Variants in EEPD1 observed in about 807,000 individuals in gnomAD.
The protein encoded by EEPD1 is endonuclease/exonuclease/phosphatase family domain containing 1, also known as endonuclease/exonuclease/phosphatase family domain-containing protein 1.
A neutral mutation model predicts 46.3 loss-of-function variants in EEPD1; 17 were observed. The ratio of observed to expected loss-of-function variants is 0.37; its 90% confidence interval spans 0.25 to 0.55. The LOEUF (loss-of-function observed/expected upper bound fraction) is 0.55. EEPD1 is among the 20% of genes least tolerant of loss of function. EEPD1 has a pLI of 0.83. For missense variants in EEPD1, 673 were observed against 745.6 expected, an observed-to-expected ratio of 0.90 and a Z score of 1.13; for synonymous variants, 313 against 315.6, an observed-to-expected ratio of 0.99 and a Z score of 0.09.
In EEPD1 at chr7:36,243,308, G is replaced by GTTT. The variant is rs5883540; in HGVS notation, c.930+4283_930+4285dup. 4.0e-3 allele frequency among the ~76,000 whole-genome samples: 590 copies of GTTT among 147,628 alleles called. 8 individuals carry two copies. The highest frequency in any genetic ancestry group is 0.014 in the African/African-American group (563 of 40,310). On this transcript the variant is annotated intron_variant, in intron 3 of 7. Coordinates refer to ENST00000242108, the MANE Select transcript of EEPD1 (RefSeq NM_030636.3). Reference sequence around the variant, plus strand: ...TGACTTTTATGGCCAATTAAGCCTGGTTTTTTTTTTTTTGGCACCAAAAGA... The same window carrying GTTT: ...TGACTTTTATGGCCAATTAAGCCTGGTTTTTTTTTTTTTTTTGGCACCAAAAGA...
Position 36,271,493 on chromosome 7 carries a change from G to A in EEPD1, c.931-9622G>A, listed in dbSNP as rs140915238. Among the ~76,000 whole-genome samples the A allele has an allele frequency of 9.1e-3, 1,391 of 152,118 alleles. 12 individuals carry two copies. The highest frequency in any genetic ancestry group is 0.039 in the East Asian group (200 of 5,172). On this transcript the variant is annotated intron_variant, in intron 3 of 7. Transcript: ENST00000242108. ...TCTTTTAAATTTGTTTAAGTTCCTT[G>A]TAGATTTTGGATATTAGCCCTTTGT...
chr7:36,287,236 C>CAAAAAAAAAA (rs377318198), intron 5 of EEPD1, among the ~76,000 whole-genome samples: 1 of 42,204 alleles, frequency 2.4e-5, no homozygotes, highest in Admixed American at 4.0e-4. Context: ...GACTCCTTCT[C>CAAAAAAAAAA]AAAAAAAAAA....
chr7:36,283,389 C>T (rs1435569630), intron 4 of EEPD1, among the ~76,000 whole-genome samples: 1 of 152,112 alleles, frequency 6.6e-6, no homozygotes, highest in African/African-American at 2.4e-5. Context: ...CCCTCCAGGG[C>T]CATCGGGGAG....
chr7:36,230,245 C>T (rs1169871853), intron 2 of EEPD1, among the ~76,000 whole-genome samples: 2 of 152,054 alleles, frequency 1.3e-5, no homozygotes, highest in African/African-American at 4.8e-5. Flanking sequence ...GGTCTCTCTA[C>T]CTCCAGCATT....
At chr7:36,207,378 G>A (rs1785840570) in intron 2 of EEPD1, among the ~76,000 whole-genome samples, 1 of 152,172 alleles carries the variant, frequency 6.6e-6, no homozygotes, top group South Asian at 2.1e-4. Context: ...GATAAGTGAG[G>A]GTGGAAGGAG....
chr7:36,281,101 C>T lies in EEPD1; in HGVS notation c.931-14C>T, dbSNP rs1037302669. 1 of 1,613,370 alleles carries T rather than the reference C, an allele frequency of 6.2e-7. No individual in the cohort carries two copies. The highest frequency in any genetic ancestry group is 1.3e-5 in the African/African-American group (1 of 74,938). On this transcript the variant is annotated splice_polypyrimidine_tract_variant and intron_variant, in intron 3 of 7. Transcript: ENST00000242108. ...CGCGAACCCACGCTTCTGACCTGTG[C>T]TCTGTCTTTGCAGTTCTGCACGGAG...
At chr7:36,246,646 A>C (rs1215672096) in intron 3 of EEPD1, among the ~76,000 whole-genome samples, 1 of 152,008 alleles carries the variant, frequency 6.6e-6, no homozygotes, top group Non-Finnish European at 1.5e-5. Context: ...CCTTTTGCCA[A>C]ATTGTCTAGG....
At chr7:36,213,744 A>G (rs2115730673) in intron 2 of EEPD1, among the ~76,000 whole-genome samples, 1 of 152,254 alleles carries the variant, frequency 6.6e-6, no homozygotes, top group Middle Eastern at 3.4e-3. Context: ...TAGGCTCAGC[A>G]TCCTATGCTT....
chr7:36,196,373 G>A (rs56053727), intron 2 of EEPD1, among the ~76,000 whole-genome samples: 1 of 151,526 alleles, frequency 6.6e-6, no homozygotes, highest in Non-Finnish European at 1.5e-5. Context: ...CTTTCAGCTC[G>A]TCTCCCGTCT....
chr7:36,233,930 GTTTT>G lies in EEPD1; in HGVS notation c.879-5052_879-5049del, dbSNP rs760967698. 1.1e-4 allele frequency among the ~76,000 whole-genome samples: 16 copies of G among 152,168 alleles called. No individual in the cohort carries two copies. In the East Asian group the frequency reaches 1.5e-3, roughly 15 times the overall value. On this transcript the variant is annotated intron_variant, in intron 2 of 7. Coordinates refer to ENST00000242108, the MANE Select transcript of EEPD1 (RefSeq NM_030636.3). Reference sequence around the variant, plus strand: ...TTTTTTGTTTTTTGTTTGTTTGTTTGTTTTTTAAGACAGAGTCTCGCTCTGTCAC... The same window carrying G: ...TTTTTTGTTTTTTGTTTGTTTGTTTGTTAAGACAGAGTCTCGCTCTGTCAC...
chr7:36,272,042 C>T (rs1787114450), intron 3 of EEPD1, among the ~76,000 whole-genome samples: 1 of 151,900 alleles, frequency 6.6e-6, no homozygotes, highest in Admixed American at 6.6e-5. Flanking sequence ...CCACAACGCC[C>T]CGCTAATTTT....
At chr7:36,204,045 T>C (rs1237985995) in intron 2 of EEPD1, among the ~76,000 whole-genome samples, 1 of 151,658 alleles carries the variant, frequency 6.6e-6, no homozygotes, top group Non-Finnish European at 1.5e-5. Flanking sequence ...TTTCTTTTTT[T>C]TTTTTTAGAC....
At chr7:36,262,123 C>T (rs1729161235) in intron 3 of EEPD1, among the ~76,000 whole-genome samples, 1 of 152,198 alleles carries the variant, frequency 6.6e-6, no homozygotes, top group African/African-American at 2.4e-5. Context: ...TCTATTCTTT[C>T]CCGTGCCCTA....
At chr7:36,281,368 T>G in intron 4 of EEPD1, 143 bp downstream of exon 4, 1 of 752,652 alleles carries the variant, frequency 1.3e-6, no homozygotes, top group Non-Finnish European at 2.2e-6. Flanking sequence ...TCCTTGCCAT[T>G]CATTTCCAAA....
chr7:36,206,098 A>G lies in EEPD1; in HGVS notation c.879-32887A>G, dbSNP rs540027703. On this transcript the variant is annotated intron_variant, in intron 2 of 7. Transcript: ENST00000242108. ...CCACCCACAGAAGCTTTCCTGGTTC[A>G]AAGGGCTTGATTGAAGATTGAGTGA... is the stretch of plus-strand genomic sequence containing the variant. Among the ~76,000 whole-genome samples, 4 of 152,332 alleles carry G rather than the reference A, an allele frequency of 2.6e-5. No individual in the cohort carries two copies. The East Asian group carries it at 7.7e-4, about 29-fold the overall frequency.
chr7:36,184,332 G>A (rs1398179766), intron 2 of EEPD1, among the ~76,000 whole-genome samples: 1 of 152,184 alleles, frequency 6.6e-6, no homozygotes, highest in African/African-American at 2.4e-5. Flanking sequence ...CCAGCTGGCT[G>A]TGTCCTGTGG....
intron 3 of EEPD1, among the ~76,000 whole-genome samples, chr7:36,261,445 A>G (rs1450680757): frequency 6.6e-6 from 1 of 152,198 alleles, no homozygotes; most frequent in Admixed American, 6.5e-5. Flanking sequence ...TTCCTTCAAA[A>G]TTGTTGCACC....
At chr7:36,167,006 G>T (rs1421081557) in intron 2 of EEPD1, among the ~76,000 whole-genome samples, 1 of 152,100 alleles carries the variant, frequency 6.6e-6, no homozygotes, top group Non-Finnish European at 1.5e-5. Context: ...TGGCCAGCTT[G>T]GTTTTTTCTC....
rs373823956 is a variant in EEPD1 at position 36,155,248 on chromosome 7, T to C, written c.878+46T>C. On this transcript the variant is annotated intron_variant, in intron 2 of 7. Transcript: ENST00000242108. ...GGGTGTTGGGTGTGAAGGCAACTTG[T>C]GCGTGACCTCATCTATGGATGCAAA... is the stretch of plus-strand genomic sequence containing the variant. 6 of 1,488,990 alleles carry C rather than the reference T, an allele frequency of 4.0e-6. No individual in the cohort carries two copies. In the African/African-American group the frequency reaches 8.4e-5, roughly 21 times the overall value. The allele number at this position is 1,488,990 out of a possible 1,614,324, so 92.2% of individuals were successfully genotyped here. A position where few individuals can be genotyped will look rare whatever the true frequency, so the allele number is the denominator to read the frequency against.
Sources: allele counts gnomAD v4.1 joint callset (sites outside exome capture counted in the v4.1 genomes callset), GRCh38; gene constraint gnomAD v4.1.1; transcripts MANE v1.5; gene names NCBI Gene and HGNC (gene_info 2026-07-23, HGNC 2026-07-21).